The following ARHGAP12 variants were observed in gnomAD, a reference collection of about 807,000 sequenced individuals.
ARHGAP12 encodes Rho GTPase activating protein 12.
In ARHGAP12, 64 loss-of-function variants were observed where a neutral mutation model predicts 108.6. The observed-to-expected ratio is 0.59, with a 90% CI of 0.48 to 0.73. The LOEUF is 0.73. Among genes scored for constraint, ARHGAP12 ranks in the 30% least tolerant of loss-of-function variants. The pLI, the probability that ARHGAP12 is intolerant of heterozygous loss-of-function variation, is 0.00. For synonymous variants in ARHGAP12, 312 were observed against 337.2 expected (o/e 0.93, Z 0.82); for missense variants, 940 against 1,005.9 (o/e 0.93, Z 0.89).
chr10:31,828,777 G>T (rs1434021858), intron 10 of ARHGAP12, among the ~76,000 whole-genome samples: 1 of 151,888 alleles, frequency 6.6e-6, no homozygotes, highest in Non-Finnish European at 1.5e-5. Flanking sequence ...TGGATATGTG[G>T]CACACAAACA....
intron 3 of ARHGAP12, among the ~76,000 whole-genome samples, chr10:31,879,079 G>A (rs540249847): frequency 1.3e-5 from 2 of 152,292 alleles, no homozygotes; most frequent in Non-Finnish European, 2.9e-5. Context: ...TATTTCAACA[G>A]TGTTAATTTA....
intron 1 of ARHGAP12, among the ~76,000 whole-genome samples, chr10:31,918,112 C>T (rs1406271139): frequency 6.6e-6 from 1 of 152,090 alleles, no homozygotes; most frequent in African/African-American, 2.4e-5. Flanking sequence ...CGTACCACCA[C>T]ACCTAGCTAA....
intron 3 of ARHGAP12, among the ~76,000 whole-genome samples, chr10:31,888,539 T>C (rs1480944603): frequency 6.6e-6 from 1 of 152,088 alleles, no homozygotes; most frequent in Admixed American, 6.5e-5. Context: ...AGATGAGAGA[T>C]TGAAGAGGTA....
At position 31,809,427 on chromosome 10, in the gene ARHGAP12, A is replaced by C. The variant is rs1410740755; in HGVS notation, c.2051-120T>G. 4.5e-6 allele frequency: 4 copies of C among 881,698 alleles called. No homozygotes were observed. In the Admixed American group the frequency reaches 6.3e-5, roughly 14 times the overall value. The allele number at this position is 881,698 out of a possible 1,614,324, so 54.6% of individuals were successfully genotyped here. ...GCATTAGCCTAAAATCAAATGGGCA[A>C]ATATTCTTTTTCTCTAAATGGCTTC... is the stretch of plus-strand genomic sequence containing the variant. On this transcript the variant is annotated intron_variant, in intron 16 of 19. Transcript: ENST00000344936.
Position 31,817,784 on chromosome 10 carries a change from A to G in ARHGAP12, c.1731+4T>C. 1 of 1,581,494 alleles carries G rather than the reference A, an allele frequency of 6.3e-7. No individual in the cohort carries two copies. Among genetic ancestry groups the G allele is most frequent in the Non-Finnish European group, 8.6e-7 (1 of 1,165,266 alleles). On this transcript the variant is annotated splice_donor_region_variant and intron_variant, in intron 13 of 19. Transcript: ENST00000344936. ...TAAAAATTTTACCTAAGTCAACGACATACCTGATTATTGATTGTACTACTA... is the reference window on the plus strand; with the variant it reads ...TAAAAATTTTACCTAAGTCAACGACGTACCTGATTATTGATTGTACTACTA...
intron 3 of ARHGAP12, among the ~76,000 whole-genome samples, chr10:31,869,591 AC>A (rs986949802): frequency 3.3e-5 from 5 of 152,146 alleles, no homozygotes; most frequent in African/African-American, 1.2e-4. Flanking sequence ...CCTAAAAAAA[AC>A]AAAGTTAATT....
At chr10:31,858,612 G>A (rs1323234182) in intron 4 of ARHGAP12, among the ~76,000 whole-genome samples, 2 of 152,108 alleles carry the variant, frequency 1.3e-5, no homozygotes, top group Non-Finnish European at 2.9e-5. Flanking sequence ...CTCCCATTGT[G>A]ACAACCAAAA....
chr10:31,836,089 C>T lies in ARHGAP12; in HGVS notation c.1386+3216G>A, dbSNP rs141461223. ...TAAACATTCATGTTTTTTAAAAAGG[C>T]CTTAGAATAGTAATATTCAATGAAA... On this transcript the variant is annotated intron_variant, in intron 9 of 19. Transcript: ENST00000344936. Among the ~76,000 whole-genome samples, 16 of 151,822 alleles carry T rather than the reference C, an allele frequency of 1.1e-4. No individual in the cohort carries two copies. The East Asian group carries it at 2.5e-3, about 24-fold the overall frequency.
intron 16 of ARHGAP12, 182 bp from the exon 17 acceptor site, chr10:31,809,489 G>A (rs1024759288): frequency 1.6e-5 from 9 of 579,274 alleles, no homozygotes; most frequent in South Asian, 9.9e-5. Flanking sequence ...ATGGAGATTC[G>A]CTCTGAATTC....
intron 6 of ARHGAP12, among the ~76,000 whole-genome samples, chr10:31,848,685 T>C (rs1235994697): frequency 1.3e-5 from 2 of 152,222 alleles, no homozygotes; most frequent in Non-Finnish European, 2.9e-5. Flanking sequence ...TGTATGTTTT[T>C]ATTTTTCCTA....
chr10:31,849,136 T>C (rs1243389471), intron 6 of ARHGAP12, among the ~76,000 whole-genome samples: 1 of 152,178 alleles, frequency 6.6e-6, no homozygotes, highest in East Asian at 1.9e-4. Context: ...GATAATAGCA[T>C]TGGATTTCTT....
chr10:31,888,890 T>C (rs1838290912), intron 3 of ARHGAP12, among the ~76,000 whole-genome samples: 2 of 151,284 alleles, frequency 1.3e-5, no homozygotes, highest in Admixed American at 1.3e-4. Context: ...GGAGAAAAGA[T>C]GGATGGGAGG....
intron 6 of ARHGAP12, among the ~76,000 whole-genome samples, chr10:31,850,742 CTT>C (rs1836645674): frequency 6.6e-6 from 1 of 152,060 alleles, no homozygotes; most frequent in African/African-American, 2.4e-5. Context: ...TTTTATAAAA[CTT>C]AACTTTAAAA....
intron 3 of ARHGAP12, among the ~76,000 whole-genome samples, chr10:31,896,703 CA>C (rs1435864608): frequency 6.6e-6 from 1 of 152,062 alleles, no homozygotes; most frequent in East Asian, 1.9e-4. Context: ...GTGAGTTAGG[CA>C]AGGTGGCAAG....
At chr10:31,813,479 G>A (rs960974314) in intron 14 of ARHGAP12, among the ~76,000 whole-genome samples, 4 of 152,068 alleles carry the variant, frequency 2.6e-5, no homozygotes, top group African/African-American at 7.2e-5. Context: ...GAAGTTGAGA[G>A]CATGAAGAAT....
At chr10:31,876,900 T>C (rs1837753417) in intron 3 of ARHGAP12, among the ~76,000 whole-genome samples, 1 of 152,212 alleles carries the variant, frequency 6.6e-6, no homozygotes, top group African/African-American at 2.4e-5. Flanking sequence ...TCAGAATTTT[T>C]AGAAAAGGTT....
intron 12 of ARHGAP12, among the ~76,000 whole-genome samples, chr10:31,819,676 G>T (rs776126679): frequency 1.3e-5 from 2 of 152,102 alleles, no homozygotes; most frequent in African/African-American, 4.8e-5. Flanking sequence ...AAGATCTTGC[G>T]GACAAGGAGG....
chr10:31,918,190 C>CACAACATTTTTGACTT (rs1839639873), intron 1 of ARHGAP12, among the ~76,000 whole-genome samples: 1 of 151,956 alleles, frequency 6.6e-6, no homozygotes, highest in Non-Finnish European at 1.5e-5. Context: ...ATTTTTGACT[C>CACAACATTTTTGACTT]ACAACATTTT....
At chr10:31,823,556 C>T (rs529617175) in intron 11 of ARHGAP12, among the ~76,000 whole-genome samples, 58 of 151,990 alleles carry the variant, frequency 3.8e-4, no homozygotes, top group African/African-American at 1.3e-3. Context: ...CTGTGCTCAG[C>T]GTTCCATTCA....
Sources: allele counts gnomAD v4.1 joint callset (sites outside exome capture counted in the v4.1 genomes callset), GRCh38; gene constraint gnomAD v4.1.1; transcripts MANE v1.5; gene names NCBI Gene and HGNC (gene_info 2026-07-23, HGNC 2026-07-21).